The following MAGI1 variants were observed in gnomAD, a reference collection of about 807,000 sequenced individuals.
MAGI1 encodes membrane-associated guanylate kinase, WW and PDZ domain-containing protein 1.
In MAGI1, 58 loss-of-function variants were observed where a neutral mutation model predicts 139.9. That is an observed-to-expected ratio of 0.41 (90% CI 0.34 to 0.52). The LOEUF (loss-of-function observed/expected upper bound fraction) is 0.52, where lower values mean the gene tolerates loss of function less well. Ranked by LOEUF, MAGI1 falls within the 20% of genes least tolerant of loss-of-function variation. The pLI is 0.12. For synonymous variants in MAGI1, 812 were observed against 737.9 expected (o/e 1.10, Z -1.63); for missense variants, 1,874 against 1,901.6 (o/e 0.99, Z 0.27).
intron 8 of MAGI1, among the ~76,000 whole-genome samples, chr3:65,441,843 A>G (rs924070930): frequency 2.0e-5 from 3 of 152,176 alleles, no homozygotes; most frequent in Non-Finnish European, 4.4e-5. Context: ...CTACAGTAAG[A>G]TGCTGGGCAT....
chr3:65,890,234 G>A (rs554608223), intron 1 of MAGI1, among the ~76,000 whole-genome samples: 186 of 152,190 alleles, frequency 1.2e-3, no homozygotes, highest in African/African-American at 4.0e-3. Flanking sequence ...GCGTGGTGGC[G>A]GGCGCCTGCA....
At chr3:66,026,899 A>G (rs1365555687) in intron 1 of MAGI1, among the ~76,000 whole-genome samples, 2 of 151,670 alleles carry the variant, frequency 1.3e-5, no homozygotes, top group East Asian at 1.9e-4. Context: ...GTGTCTCTAC[A>G]TTGACATGAG....
chr3:65,391,602 C>T (rs1368127471), intron 13 of MAGI1, among the ~76,000 whole-genome samples: 1 of 152,156 alleles, frequency 6.6e-6, no homozygotes, highest in East Asian at 1.9e-4. Context: ...CTCTGGGCTA[C>T]AGCGGAAAAC....
chr3:65,502,733 G>C (rs2077129539), intron 2 of MAGI1, among the ~76,000 whole-genome samples: 3 of 152,146 alleles, frequency 2.0e-5, no homozygotes, highest in Admixed American at 2.0e-4. Context: ...ACTCCTAAAG[G>C]CTCCTCCTCC....
At chr3:65,635,563 C>T (rs943462875) in intron 1 of MAGI1, among the ~76,000 whole-genome samples, 2 of 152,142 alleles carry the variant, frequency 1.3e-5, no homozygotes, top group Non-Finnish European at 2.9e-5. Context: ...AACACTCAGC[C>T]AAGGCATAAG....
chr3:65,544,775 A>G (rs989973315), intron 2 of MAGI1, among the ~76,000 whole-genome samples: 5 of 152,198 alleles, frequency 3.3e-5, no homozygotes, highest in African/African-American at 1.2e-4. Flanking sequence ...CCAGTTCCCG[A>G]ATAGCAAAGA....
chr3:65,751,516 C>T (rs904115483), intron 1 of MAGI1, among the ~76,000 whole-genome samples: 1 of 152,190 alleles, frequency 6.6e-6, no homozygotes, highest in African/African-American at 2.4e-5. Flanking sequence ...AAGCCGCTTT[C>T]TAAAAAACAC....
intron 1 of MAGI1, among the ~76,000 whole-genome samples, chr3:65,756,701 T>C (rs1436366447): frequency 2.0e-5 from 3 of 152,286 alleles, no homozygotes; most frequent in Non-Finnish European, 2.9e-5. Flanking sequence ...TATGAAAAAT[T>C]ACAGTCATAT....
intron 1 of MAGI1, among the ~76,000 whole-genome samples, chr3:65,809,664 G>A (rs2041095608): frequency 6.6e-6 from 1 of 152,176 alleles, no homozygotes; most frequent in East Asian, 1.9e-4. Flanking sequence ...TAGTGACATG[G>A]CCAGCCCTGG....
intron 5 of MAGI1, among the ~76,000 whole-genome samples, chr3:65,460,179 G>C (rs888337576): frequency 1.3e-5 from 2 of 152,114 alleles, no homozygotes; most frequent in African/African-American, 4.8e-5. Flanking sequence ...CTGTTAACAT[G>C]GTGGGTTACA....
chr3:65,664,057 C>T (rs917611870), intron 1 of MAGI1, among the ~76,000 whole-genome samples: 1 of 152,112 alleles, frequency 6.6e-6, no homozygotes, highest in Non-Finnish European at 1.5e-5. Context: ...CTAAGTGATA[C>T]TTATGATCAT....
chr3:66,013,532 T>C (rs547065145), intron 1 of MAGI1, among the ~76,000 whole-genome samples: 3 of 150,054 alleles, frequency 2.0e-5, no homozygotes, highest in East Asian at 2.0e-4. Context: ...GAGGCCAAGG[T>C]GGGCGGATCA....
At chr3:65,618,358 T>C (rs2083481439) in intron 2 of MAGI1, among the ~76,000 whole-genome samples, 1 of 152,168 alleles carries the variant, frequency 6.6e-6, no homozygotes, top group Non-Finnish European at 1.5e-5. Flanking sequence ...GAAAATAAGA[T>C]AAACTTAGAT....
intron 17 of MAGI1, among the ~76,000 whole-genome samples, chr3:65,377,346 C>T (rs1173082026): frequency 2.6e-5 from 4 of 152,196 alleles, no homozygotes; most frequent in Non-Finnish European, 5.9e-5. Flanking sequence ...ATTGGTATAA[C>T]AAAGGTATCG....
At chr3:65,915,395 C>T (rs2061851814) in intron 1 of MAGI1, among the ~76,000 whole-genome samples, 1 of 152,228 alleles carries the variant, frequency 6.6e-6, no homozygotes. Flanking sequence ...GTCATTTGCC[C>T]TCTAAAATTC....
intron 2 of MAGI1, among the ~76,000 whole-genome samples, chr3:65,554,052 G>A (rs114871674): frequency 0.021 from 3,154 of 152,214 alleles, 105 homozygotes; most frequent in African/African-American, 0.072. Context: ...GCTTTCCAGT[G>A]AAATTGTAAT....
intron 1 of MAGI1, among the ~76,000 whole-genome samples, chr3:66,019,985 G>A (rs6805139): frequency 0.45 from 68,866 of 152,034 alleles, 16,823 homozygotes; most frequent in East Asian, 0.71. Flanking sequence ...GACCCCACCC[G>A]TTACTGCAAG....
At chr3:65,898,694 G>A (rs2061087213) in intron 1 of MAGI1, among the ~76,000 whole-genome samples, 1 of 152,056 alleles carries the variant, frequency 6.6e-6, no homozygotes. Flanking sequence ...CAAAGGCAAA[G>A]TAATAGTTAA....
At chr3:65,817,535 TA>T (rs1439035979) in intron 1 of MAGI1, among the ~76,000 whole-genome samples, 1 of 152,192 alleles carries the variant, frequency 6.6e-6, no homozygotes, top group African/African-American at 2.4e-5. Flanking sequence ...GAGGAAAAGC[TA>T]AAAACATACT....
Sources: gnomAD v4.1 joint callset for allele counts (sites outside exome capture counted in the v4.1 genomes callset) on GRCh38, gnomAD v4.1.1 for gene constraint, MANE v1.5 for transcripts, NCBI Gene and HGNC (gene_info 2026-07-23, HGNC 2026-07-21) for gene names.